The following GLIS3 variants were observed in gnomAD, a reference collection of about 807,000 sequenced individuals.
GLIS3 encodes the protein GLIS family zinc finger 3, also known as zinc finger protein GLIS3.
GLIS3 carries 53 observed loss-of-function variants against 78.6 expected under a neutral mutation model. The observed-to-expected ratio is 0.67, with a 90% CI of 0.54 to 0.85. The LOEUF (loss-of-function observed/expected upper bound fraction) is 0.85. GLIS3 is among the 40% of genes least tolerant of loss of function. GLIS3 has a pLI of 0.00. For synonymous variants in GLIS3, 684 were observed against 509.9 expected, an observed-to-expected ratio of 1.34 and a Z score of -4.60; for missense variants, 1,703 against 1,231.1, an observed-to-expected ratio of 1.38 and a Z score of -5.74.
intron 6 of GLIS3, among the ~76,000 whole-genome samples, chr9:3,925,606 C>CGTGTGTGT (rs200777823): frequency 6.6e-6 from 1 of 151,254 alleles, no homozygotes; most frequent in Admixed American, 6.6e-5. Flanking sequence ...CGTGTGCGCG[C>CGTGTGTGT]GTGTGTGTGT....
At chr9:4,406,083 A>G in the GLIS3 span, among the ~76,000 whole-genome samples, 1 of 152,190 alleles carries the variant, frequency 6.6e-6, no homozygotes, top group Non-Finnish European at 1.5e-5. Context: ...ATAAAAGACT[A>G]CATAACAAAA....
intron 2 of GLIS3, among the ~76,000 whole-genome samples, chr9:4,201,751 G>T (rs1446937572): frequency 6.6e-6 from 1 of 152,066 alleles, no homozygotes; most frequent in Admixed American, 6.6e-5. Context: ...CCATTACAAC[G>T]ACCATACTGG....
At chr9:3,870,944 T>G (rs1820932223) in intron 8 of GLIS3, among the ~76,000 whole-genome samples, 1 of 152,208 alleles carries the variant, frequency 6.6e-6, no homozygotes, top group Non-Finnish European at 1.5e-5. Context: ...GGCAGGTCTC[T>G]TCCACATATG....
the GLIS3 span, among the ~76,000 whole-genome samples, chr9:4,365,791 G>A: frequency 3.9e-5 from 6 of 152,248 alleles, no homozygotes; most frequent in South Asian, 2.1e-4. Flanking sequence ...GAAAAATCAC[G>A]TTATGCTTCA....
the GLIS3 span, among the ~76,000 whole-genome samples, chr9:4,379,591 T>C: frequency 3.3e-5 from 5 of 152,214 alleles, no homozygotes; most frequent in Non-Finnish European, 7.3e-5. Context: ...AGTTATTTCA[T>C]TGCCATTGGG....
At chr9:4,429,531 G>C in the GLIS3 span, among the ~76,000 whole-genome samples, 1 of 152,078 alleles carries the variant, frequency 6.6e-6, no homozygotes, top group Admixed American at 6.6e-5. Flanking sequence ...CTGACCCCCT[G>C]GCCTTGTTAA....
At chr9:3,887,656 T>C (rs1403147453) in intron 7 of GLIS3, among the ~76,000 whole-genome samples, 1 of 152,194 alleles carries the variant, frequency 6.6e-6, no homozygotes, top group African/African-American at 2.4e-5. Context: ...TGGAAGAGGA[T>C]ACAGGTTTAT....
At position 3,928,476 on chromosome 9, in the gene GLIS3, G is replaced by C. The variant is rs558940330; in HGVS notation, c.1983+3884C>G. 2.4e-3 allele frequency among the ~76,000 whole-genome samples: 362 copies of C among 152,224 alleles called. 2 individuals carry two copies. The highest frequency in any genetic ancestry group is 3.7e-3 in the Non-Finnish European group (251 of 68,010). The stretch of plus-strand genomic sequence containing the variant: ...AAAGGAAAATACATATTTTCACATA[G>C]CTCTTAAAGATTCAAAGAACTGTAC... On this transcript the variant is annotated intron_variant, in intron 6 of 10. Coordinates refer to ENST00000381971, the MANE Select transcript of GLIS3 (RefSeq NM_001042413.2).
At position 3,991,803 on chromosome 9, in the gene GLIS3, G is replaced by A. The variant is rs1192448523; in HGVS notation, c.1711-54614C>T. ...CCTCCCGGCTTCATGCCATTCTCCT[G>A]CCTCAGCCTCCCGAGTAGCTGGGAC... On this transcript the variant is annotated intron_variant, in intron 4 of 10. Coordinates refer to ENST00000381971, the MANE Select transcript of GLIS3 (RefSeq NM_001042413.2). Among the ~76,000 whole-genome samples the A allele has an allele frequency of 4.0e-5, 6 of 149,012 alleles. No individual in the cohort carries two copies. The South Asian group carries it at 6.4e-4, about 16-fold the overall frequency.
chr9:4,368,387 C>G, the GLIS3 span, among the ~76,000 whole-genome samples: 5 of 151,286 alleles, frequency 3.3e-5, no homozygotes, highest in Non-Finnish European at 5.9e-5. Context: ...CTCTGTCACC[C>G]AGGCTGGAGT....
chr9:4,311,238 G>T (rs995348026), intron 2 of GLIS3, among the ~76,000 whole-genome samples: 1 of 151,950 alleles, frequency 6.6e-6, no homozygotes, highest in African/African-American at 2.4e-5. Context: ...GCGAAACCCC[G>T]TCTCTACTAA....
At chr9:4,085,654 T>C (rs1588635157) in intron 4 of GLIS3, among the ~76,000 whole-genome samples, 1 of 152,112 alleles carries the variant, frequency 6.6e-6, no homozygotes, top group Admixed American at 6.6e-5. Context: ...TGGTGGGAGG[T>C]GACTAGCTTT....
chr9:4,027,253 G>T (rs138566412), intron 4 of GLIS3, among the ~76,000 whole-genome samples: 1 of 152,316 alleles, frequency 6.6e-6, no homozygotes, highest in East Asian at 1.9e-4. Flanking sequence ...TACAATGACT[G>T]CAGAAGATTC....
At chr9:3,897,544 T>A (rs541934313) in intron 7 of GLIS3, among the ~76,000 whole-genome samples, 1 of 152,296 alleles carries the variant, frequency 6.6e-6, no homozygotes, top group East Asian at 1.9e-4. Context: ...TCTGTAAGTT[T>A]GGTCAACCCT....
At chr9:3,882,163 G>A (rs967204767) in intron 7 of GLIS3, among the ~76,000 whole-genome samples, 2 of 152,138 alleles carry the variant, frequency 1.3e-5, no homozygotes, top group Admixed American at 6.6e-5. Context: ...TCGGTGCCTG[G>A]TATCTCCAAA....
At chr9:4,194,975 G>T (rs966872928) in intron 2 of GLIS3, among the ~76,000 whole-genome samples, 1 of 151,950 alleles carries the variant, frequency 6.6e-6, no homozygotes, top group Non-Finnish European at 1.5e-5. Flanking sequence ...AGCCACAAAG[G>T]CATTTTAGTC....
intron 4 of GLIS3, among the ~76,000 whole-genome samples, chr9:4,068,327 A>G (rs1827277876): frequency 6.6e-6 from 1 of 152,138 alleles, no homozygotes; most frequent in African/African-American, 2.4e-5. Flanking sequence ...ACAGAGAATC[A>G]GTAGTATTTT....
chr9:4,387,037 T>C, the GLIS3 span, among the ~76,000 whole-genome samples: 1 of 152,188 alleles, frequency 6.6e-6, no homozygotes, highest in Non-Finnish European at 1.5e-5. Context: ...GAACTTTTGT[T>C]GCATGATCAT....
chr9:4,055,870 T>C (rs1826114755), intron 4 of GLIS3, among the ~76,000 whole-genome samples: 1 of 152,124 alleles, frequency 6.6e-6, no homozygotes, highest in Admixed American at 6.5e-5. Context: ...GAACATTTCT[T>C]TTGCAGGTAA....
Sources: gnomAD v4.1 joint callset for allele counts (sites outside exome capture counted in the v4.1 genomes callset) on GRCh38, gnomAD v4.1.1 for gene constraint, MANE v1.5 for transcripts, NCBI Gene and HGNC (gene_info 2026-07-23, HGNC 2026-07-21) for gene names.